FNBP4: variants seen among roughly 807,000 people sequenced by gnomAD.
FNBP4 encodes formin-binding protein 4.
A neutral mutation model predicts 119.3 loss-of-function variants in FNBP4; 34 were observed. That is an observed-to-expected ratio of 0.28 (90% CI 0.22 to 0.38). The LOEUF (loss-of-function observed/expected upper bound fraction) is 0.38. FNBP4 is among the 10% of genes least tolerant of loss of function. FNBP4 has a pLI of 1.00. For missense variants in FNBP4, 1,112 were observed against 1,228.9 expected (o/e 0.90, Z 1.42); for synonymous variants, 462 against 430.6 (o/e 1.07, Z -0.90).
chr11:47,756,272 A>G (rs1429994925), intron 2 of FNBP4, among the ~76,000 whole-genome samples: 1 of 152,188 alleles, frequency 6.6e-6, no homozygotes, highest in Non-Finnish European at 1.5e-5. Flanking sequence ...TTATAAACAC[A>G]TAAAATGTTA....
chr11:47,755,523 T>C, intron 2 of FNBP4, among the ~76,000 whole-genome samples: 1 of 151,284 alleles, frequency 6.6e-6, no homozygotes, highest in East Asian at 1.9e-4. Flanking sequence ...AGCTTATGTC[T>C]ACAGACCCAA....
chr11:47,731,746 A>G lies in FNBP4; in HGVS notation c.1821-185T>C, dbSNP rs1477594013. On this transcript the variant is annotated intron_variant, in intron 11 of 16. Coordinates refer to ENST00000263773, the MANE Select transcript of FNBP4 (RefSeq NM_015308.5). ...GGAGAACCAAGGATAATTCAAAGCTATTTGCACTGCCAGCAACTCTGTGAA... is the reference window on the plus strand; with the variant it reads ...GGAGAACCAAGGATAATTCAAAGCTGTTTGCACTGCCAGCAACTCTGTGAA... The G allele has an allele frequency of 3.0e-6, 4 of 1,354,380 alleles. No homozygotes were observed. The African/African-American group carries it at 6.0e-5, about 20-fold the overall frequency. The allele number at this position is 1,354,380 out of a possible 1,614,324, so 83.9% of individuals were successfully genotyped here.
intron 2 of FNBP4, among the ~76,000 whole-genome samples, chr11:47,759,377 A>C (rs1599259819): frequency 7.1e-6 from 1 of 141,474 alleles, no homozygotes; most frequent in South Asian, 2.3e-4. Context: ...ACGCCTGGCT[A>C]ATTTTTTTGT....
rs984515406 is a variant in FNBP4, at chr11:47,740,589, A to AT, written c.1456+3363dup. Among the ~76,000 whole-genome samples, 6 of 144,018 alleles carry AT rather than the reference A, an allele frequency of 4.2e-5. No homozygotes were observed. In the South Asian group the frequency reaches 1.2e-3, roughly 29 times the overall value. The allele number at this position is 144,018 out of a possible 152,430, so 94.5% of individuals were successfully genotyped here. A position where few individuals can be genotyped will look rare whatever the true frequency, so the allele number is the denominator to read the frequency against. ...GGACAGATCTTTAAGCACAACATAC[A>AT]TATGTATTTGTTTTTTTTTTCCCCG... On this transcript the variant is annotated intron_variant, in intron 8 of 16. Transcript: ENST00000263773.
chr11:47,724,210 A>G, intron 13 of FNBP4, 38 bp from the exon 14 acceptor site: 1 of 1,609,234 alleles, frequency 6.2e-7, no homozygotes. Context: ...GCTGAAGGCC[A>G]TGGTTAAACA....
At chr11:47,718,861 A>C (rs2097552263) in intron 16 of FNBP4, among the ~76,000 whole-genome samples, 1 of 151,784 alleles carries the variant, frequency 6.6e-6, no homozygotes, top group African/African-American at 2.4e-5. Context: ...CAGCCTCCCA[A>C]GCATCTAGGA....
intron 15 of FNBP4, among the ~76,000 whole-genome samples, chr11:47,721,637 C>T (rs56172777): frequency 5.9e-5 from 9 of 151,926 alleles, no homozygotes; most frequent in Non-Finnish European, 1.0e-4. Context: ...ACAGTTAGTT[C>T]TAAGAGAAGG....
intron 6 of FNBP4, among the ~76,000 whole-genome samples, chr11:47,746,754 G>A (rs2135200185): frequency 6.6e-6 from 1 of 152,086 alleles, no homozygotes; most frequent in African/African-American, 2.4e-5. Context: ...CTTGTGATTT[G>A]CCCACCTCAG....
intron 2 of FNBP4, among the ~76,000 whole-genome samples, chr11:47,759,966 T>C (rs1418672522): frequency 6.6e-6 from 1 of 152,074 alleles, no homozygotes; most frequent in Non-Finnish European, 1.5e-5. Flanking sequence ...AATAAATTAA[T>C]TAAAAATAAA....
At chr11:47,754,269 T>C (rs1339600672) in intron 3 of FNBP4, among the ~76,000 whole-genome samples, 1 of 150,514 alleles carries the variant, frequency 6.6e-6, no homozygotes, top group African/African-American at 2.4e-5. Context: ...ATCCCAGCAC[T>C]TTGGAAGGCC....
rs2097590438 is a variant in FNBP4, at chr11:47,746,455, C to T, written c.907-61G>A. ...CTGAAACAAATCTCACCTGCACATA[C>T]ATTCAATTGCACACACATTCATATT... is the stretch of plus-strand genomic sequence containing the variant. On this transcript the variant is annotated intron_variant, in intron 6 of 16. Transcript: ENST00000263773. 4 of 1,313,274 alleles carry T rather than the reference C, an allele frequency of 3.0e-6. No individual in the cohort carries two copies. The East Asian group carries it at 7.1e-5, about 23-fold the overall frequency. The allele number at this position is 1,313,274 out of a possible 1,614,324, so 81.4% of individuals were successfully genotyped here.
intron 10 of FNBP4, among the ~76,000 whole-genome samples, chr11:47,733,351 G>A (rs1174828547): frequency 1.3e-5 from 2 of 149,130 alleles, no homozygotes; most frequent in Non-Finnish European, 1.5e-5. Context: ...TTTTTTTTTA[G>A]AGACGGACTC....
At chr11:47,763,390 G>A (rs1322432573) in intron 2 of FNBP4, among the ~76,000 whole-genome samples, 3 of 145,478 alleles carry the variant, frequency 2.1e-5, no homozygotes, top group Non-Finnish European at 4.5e-5. Flanking sequence ...AGGTTGCAGT[G>A]AGCCAAGATC....
chr11:47,729,111 C>CA (rs1172395703), intron 12 of FNBP4: 28 of 966,578 alleles, frequency 2.9e-5, no homozygotes, highest in Middle Eastern at 5.3e-4. Context: ...CTCAGCCCCC[C>CA]AAAGTATTGG....
rs752262101 is a variant in FNBP4, at chr11:47,731,337, C to G, written c.2008+37G>C. On this transcript the variant is annotated intron_variant, in intron 12 of 16. Transcript: ENST00000263773. ...ATTAATAAGATTTTTCCTCTAAAGT[C>G]ATTTTGGCTGAATTAGTACAAGGTA... is the stretch of plus-strand genomic sequence containing the variant. 5 of 1,532,436 alleles carry G rather than the reference C, an allele frequency of 3.3e-6. No individual in the cohort carries two copies. In the Admixed American group the frequency reaches 1.1e-4, roughly 35 times the overall value. 94.9% of individuals were successfully genotyped at this position (1,532,436 alleles called of 1,614,324 possible).
At chr11:47,762,112 A>C (rs1385573427) in intron 2 of FNBP4, among the ~76,000 whole-genome samples, 5 of 149,836 alleles carry the variant, frequency 3.3e-5, no homozygotes, top group Non-Finnish European at 7.4e-5. Flanking sequence ...TGCTGGGATT[A>C]GAGGCGTGAG....
intron 2 of FNBP4, 96 bp downstream of exon 2, chr11:47,765,174 A>T: frequency 1.3e-6 from 1 of 761,912 alleles, no homozygotes; most frequent in Non-Finnish European, 2.2e-6. Flanking sequence ...TGTTAGCAAC[A>T]CTAAAGCATT....
intron 6 of FNBP4, among the ~76,000 whole-genome samples, chr11:47,747,971 G>A (rs796898841): frequency 1.4e-5 from 2 of 144,400 alleles, no homozygotes; most frequent in African/African-American, 5.2e-5. Context: ...AGCTGGGCGT[G>A]GTGGCTCATG....
rs377492740 is a variant in FNBP4 at position 47,752,973 on chromosome 11, T to C, written c.580A>G (p.Thr194Ala). Residue 194 changes from threonine (T) to alanine (A), a missense_variant, in exon 4 of 17, where the codon ACA becomes GCA. This residue lies in a region of FNBP4 where 826 missense variants were observed against 988.8 expected (regional missense o/e 0.84). Coordinates refer to ENST00000263773, the MANE Select transcript of FNBP4 (RefSeq NM_015308.5). ...STLSSSTSNG[T>A]DSTQTSGWQY... ...CAACCAGATGTTTGGGTGGAGTCTGTTCCATTTGAAGTAGAAGAAGAAAGG... is the reference window on the plus strand; with the variant it reads ...CAACCAGATGTTTGGGTGGAGTCTGCTCCATTTGAAGTAGAAGAAGAAAGG... The C allele has an allele frequency of 6.2e-7, 1 of 1,614,148 alleles. No homozygotes were observed. Among genetic ancestry groups the C allele is most frequent in the Non-Finnish European group, 8.5e-7 (1 of 1,180,010 alleles).
Sources: allele counts gnomAD v4.1 joint callset (sites outside exome capture counted in the v4.1 genomes callset), GRCh38; gene constraint gnomAD v4.1.1; regional missense constraint gnomAD v4.1.1; transcripts MANE v1.5; gene names NCBI Gene and HGNC (gene_info 2026-07-23, HGNC 2026-07-21).